COMMD10: variants seen among roughly 807,000 people sequenced by gnomAD.
The protein encoded by COMMD10 is COMM domain-containing protein 10.
A neutral mutation model predicts 28.9 loss-of-function variants in COMMD10; 33 were observed. The ratio of observed to expected loss-of-function variants is 1.14; its 90% CI spans 0.87 to 1.53. The LOEUF is 1.53. Ranked by LOEUF, COMMD10 falls within the 40% of genes most tolerant of loss-of-function variation. COMMD10 has a pLI of 0.00. For synonymous variants in COMMD10, 110 were observed against 81.7 expected, an observed-to-expected ratio of 1.35 and a Z score of -1.87; for missense variants, 310 against 233.4, an observed-to-expected ratio of 1.33 and a Z score of -2.14.
At chr5:116,202,252 A>G (rs1748688588) in intron 5 of COMMD10, among the ~76,000 whole-genome samples, 1 of 151,666 alleles carries the variant, frequency 6.6e-6, no homozygotes, top group East Asian at 1.9e-4. Context: ...TCCATGGTGT[A>G]TATGTGCCAC....
At chr5:116,291,699 A>G (rs1484151581) in intron 6 of COMMD10, 123 bp downstream of exon 6, 1 of 558,970 alleles carries the variant, frequency 1.8e-6, no homozygotes, top group South Asian at 2.5e-5. Flanking sequence ...CTTCCCTTAT[A>G]AAAGACCTTA....
intron 5 of COMMD10, among the ~76,000 whole-genome samples, chr5:116,142,228 CTCA>C (rs1043249545): frequency 1.4e-4 from 22 of 151,736 alleles, no homozygotes; most frequent in African/African-American, 4.8e-4. Flanking sequence ...TCATTTCAAA[CTCA>C]TCATTAATAT....
intron 5 of COMMD10, among the ~76,000 whole-genome samples, chr5:116,269,564 A>G (rs1057324850): frequency 2.6e-5 from 4 of 151,740 alleles, no homozygotes; most frequent in African/African-American, 4.9e-5. Context: ...AGGCATTTCA[A>G]TGTTACTTTT....
intron 4 of COMMD10, among the ~76,000 whole-genome samples, chr5:116,093,426 G>A (rs530953787): frequency 2.0e-5 from 3 of 152,332 alleles, no homozygotes; most frequent in African/African-American, 7.2e-5. Flanking sequence ...AGGCTCCTCA[G>A]TGTGGAGTTG....
At chr5:116,255,998 A>T (rs1045039099) in intron 5 of COMMD10, among the ~76,000 whole-genome samples, 1 of 151,672 alleles carries the variant, frequency 6.6e-6, no homozygotes. Flanking sequence ...ATGGATATGC[A>T]TATTGAGCTA....
intron 5 of COMMD10, among the ~76,000 whole-genome samples, chr5:116,249,602 T>C (rs190935241): frequency 1.7e-3 from 258 of 152,032 alleles, no homozygotes; most frequent in African/African-American, 5.9e-3. Context: ...CTACACCTTA[T>C]GGGTTACAAA....
At chr5:116,163,070 G>T (rs868478087) in intron 5 of COMMD10, among the ~76,000 whole-genome samples, 1 of 151,970 alleles carries the variant, frequency 6.6e-6, no homozygotes, top group Non-Finnish European at 1.5e-5. Flanking sequence ...GATAAGAAGA[G>T]TCTTGACTTA....
chr5:116,286,726 C>A (rs974580690), intron 5 of COMMD10, among the ~76,000 whole-genome samples: 2 of 151,744 alleles, frequency 1.3e-5, no homozygotes, highest in African/African-American at 2.4e-5. Context: ...AGAAAAGATA[C>A]TTTGTATGAT....
At chr5:116,205,050 C>T (rs1200548114) in intron 5 of COMMD10, among the ~76,000 whole-genome samples, 1 of 152,104 alleles carries the variant, frequency 6.6e-6, no homozygotes, top group African/African-American at 2.4e-5. Context: ...AAAATGACTG[C>T]CAAGCTCCAG....
At chr5:116,270,750 A>C (rs1347312940) in intron 5 of COMMD10, among the ~76,000 whole-genome samples, 2 of 151,706 alleles carry the variant, frequency 1.3e-5, no homozygotes, top group African/African-American at 2.4e-5. Context: ...CAGCCTGACG[A>C]ACATGGTGAA....
chr5:116,232,744 T>G (rs1458770178), intron 5 of COMMD10, among the ~76,000 whole-genome samples: 1 of 152,004 alleles, frequency 6.6e-6, no homozygotes, highest in Non-Finnish European at 1.5e-5. Context: ...AGCTGAAAAA[T>G]GTTATAAAAT....
At chr5:116,285,804 CTT>C (rs1229076335) in intron 5 of COMMD10, among the ~76,000 whole-genome samples, 5 of 151,778 alleles carry the variant, frequency 3.3e-5, no homozygotes, top group Non-Finnish European at 7.4e-5. Flanking sequence ...TGCGTCAATA[CTT>C]ACGGATATTG....
At chr5:116,166,301 A>G (rs1753096163) in intron 5 of COMMD10, among the ~76,000 whole-genome samples, 1 of 152,208 alleles carries the variant, frequency 6.6e-6, no homozygotes, top group Non-Finnish European at 1.5e-5. Context: ...ACTTGAATCC[A>G]GATCTTCTAA....
intron 4 of COMMD10, among the ~76,000 whole-genome samples, chr5:116,119,567 G>A (rs537751251): frequency 5.9e-5 from 9 of 151,836 alleles, no homozygotes; most frequent in African/African-American, 1.7e-4. Flanking sequence ...GTTATATATT[G>A]TATACCAGTC....
At chr5:116,202,476 G>A (rs1748695699) in intron 5 of COMMD10, among the ~76,000 whole-genome samples, 1 of 151,836 alleles carries the variant, frequency 6.6e-6, no homozygotes, top group Admixed American at 6.6e-5. Context: ...CTTCCACAAT[G>A]GTTGAACTAG....
At chr5:116,212,060 C>G (rs1026713136) in intron 5 of COMMD10, among the ~76,000 whole-genome samples, 2 of 152,136 alleles carry the variant, frequency 1.3e-5, no homozygotes, top group African/African-American at 4.8e-5. Flanking sequence ...ACATCATACA[C>G]AGTAAACTAT....
chr5:116,292,502 CTG>C lies in COMMD10; in HGVS notation c.*15_*16del, dbSNP rs1751393775. 7.6e-6 allele frequency: 12 copies of C among 1,576,196 alleles called. No homozygotes were observed. Among genetic ancestry groups the C allele is most frequent in the Non-Finnish European group, 9.5e-6 (11 of 1,159,226 alleles). The stretch of plus-strand genomic sequence containing the variant: ...TTCCCTTACATGATGTTTTCGAAGA[CTG>C]TTTTTTTCATCACGCTCCTGCCACC... On this transcript the variant is annotated 3_prime_UTR_variant, in exon 7 of 7. Transcript: ENST00000274458.
chr5:116,193,958 T>C lies in COMMD10; in HGVS notation c.510+59780T>C, dbSNP rs62384229. Among the ~76,000 whole-genome samples, 6 of 152,124 alleles carry C rather than the reference T, an allele frequency of 3.9e-5. No homozygotes were observed. The East Asian group carries it at 1.2e-3, about 29-fold the overall frequency. On this transcript the variant is annotated intron_variant, in intron 5 of 6. Transcript: ENST00000274458. ...TAAATTTAAGAAAACTGAAATGATA[T>C]CAAGCCACTCTCTCAGACCACAGTG... is the stretch of plus-strand genomic sequence containing the variant.
intron 5 of COMMD10, among the ~76,000 whole-genome samples, chr5:116,159,386 T>C (rs925037027): frequency 6.6e-6 from 1 of 152,220 alleles, no homozygotes; most frequent in African/African-American, 2.4e-5. Flanking sequence ...GATATACACA[T>C]GGATTGCTGT....
Sources: gnomAD v4.1 joint callset for allele counts (sites outside exome capture counted in the v4.1 genomes callset) on GRCh38, gnomAD v4.1.1 for gene constraint, MANE v1.5 for transcripts, NCBI Gene and HGNC (gene_info 2026-07-23, HGNC 2026-07-21) for gene names.